Variants in CACNB2 observed in about 807,000 individuals in gnomAD.
The protein encoded by CACNB2 is voltage-dependent L-type calcium channel subunit beta-2.
In CACNB2, 42 loss-of-function variants were observed where a neutral mutation model predicts 73.3. The observed-to-expected ratio is 0.57, with a 90% CI of 0.45 to 0.74. CACNB2 has a LOEUF of 0.74. Among genes scored for constraint, CACNB2 ranks in the 30% least tolerant of loss-of-function variants. The probability of loss-of-function intolerance (pLI) is 0.00; values close to 1 mark genes in which losing one functional copy is unlikely to be tolerated. For synonymous variants in CACNB2, 348 were observed against 310.3 expected (o/e 1.12, Z -1.28); for missense variants, 940 against 853.0 (o/e 1.10, Z -1.27).
intron 3 of CACNB2, among the ~76,000 whole-genome samples, chr10:18,460,182 T>G (rs917647871): frequency 1.3e-5 from 2 of 152,034 alleles, no homozygotes; most frequent in African/African-American, 4.8e-5. Context: ...CTGGGAGAGA[T>G]TAGGAGTGTT....
chr10:18,426,156 G>T (rs1418990568), intron 3 of CACNB2, among the ~76,000 whole-genome samples: 1 of 152,142 alleles, frequency 6.6e-6, no homozygotes, highest in Admixed American at 6.5e-5. Flanking sequence ...AACATACCCT[G>T]CTGACATTTT....
intron 2 of CACNB2, among the ~76,000 whole-genome samples, chr10:18,289,196 C>T (rs528260064): frequency 6.6e-6 from 1 of 151,742 alleles, no homozygotes; most frequent in African/African-American, 2.4e-5. Context: ...CTGGTTAATA[C>T]TGCCTCTACC....
In CACNB2 at chr10:18,357,092, G is replaced by A. The variant is rs924074680; in HGVS notation, c.214-44832G>A. 3.1e-4 allele frequency among the ~76,000 whole-genome samples: 47 copies of A among 149,944 alleles called. 1 individual carries two copies. In the East Asian group the frequency reaches 9.0e-3, roughly 29 times the overall value. On this transcript the variant is annotated intron_variant, in intron 2 of 13. Coordinates refer to ENST00000324631, the MANE Select transcript of CACNB2 (RefSeq NM_201596.3). ...CCCGTGTAGCTGGGACTACAGGCGC[G>A]CACCACCATGCCCGGCTAATTTTTG...
At chr10:18,220,226 T>TAGAGAGAGAGAGAG (rs1275395034) in intron 2 of CACNB2, among the ~76,000 whole-genome samples, 2 of 45,662 alleles carry the variant, frequency 4.4e-5, no homozygotes, top group Non-Finnish European at 6.7e-5. Context: ...TATATATATA[T>TAGAGAGAGAGAGAG]ATATATAGAG....
At chr10:18,405,028 T>C (rs1182695316) in intron 3 of CACNB2, among the ~76,000 whole-genome samples, 1 of 152,230 alleles carries the variant, frequency 6.6e-6, no homozygotes, top group Admixed American at 6.5e-5. Flanking sequence ...CCTGGTCATT[T>C]CAGTTTGTGC....
At chr10:18,327,424 GTTTGTTTTTA>G (rs1188744168) in intron 2 of CACNB2, among the ~76,000 whole-genome samples, 1 of 151,990 alleles carries the variant, frequency 6.6e-6, no homozygotes, top group Non-Finnish European at 1.5e-5. Context: ...TTGTTTGTTT[GTTTGTTTTTA>G]TTTGTTTTGA....
At chr10:18,220,226 T>G (rs867797361) in intron 2 of CACNB2, among the ~76,000 whole-genome samples, 1,525 of 45,404 alleles carry the variant, frequency 0.034, 55 homozygotes, top group African/African-American at 0.043. Context: ...TATATATATA[T>G]ATATATAGAG....
chr10:18,208,137 A>G (rs945275209), intron 2 of CACNB2, among the ~76,000 whole-genome samples: 2 of 152,190 alleles, frequency 1.3e-5, no homozygotes, highest in Non-Finnish European at 2.9e-5. Flanking sequence ...GAGCCCATGG[A>G]CTGATAAGCC....
At chr10:18,483,156 C>G (rs7067620) in intron 3 of CACNB2, among the ~76,000 whole-genome samples, 7,057 of 152,088 alleles carry the variant, frequency 0.046, 267 homozygotes, top group African/African-American at 0.11. Flanking sequence ...ACCCACAACT[C>G]TCTGCACTAA....
intron 3 of CACNB2, among the ~76,000 whole-genome samples, chr10:18,443,850 G>T (rs1045187908): frequency 3.9e-5 from 6 of 152,000 alleles, no homozygotes; most frequent in African/African-American, 1.5e-4. Flanking sequence ...AAGTAGCTGG[G>T]GTTACAGGTG....
intron 3 of CACNB2, among the ~76,000 whole-genome samples, chr10:18,417,360 C>CTTTTTTTTTTTTTTTT (rs34847923): frequency 1.1e-5 from 1 of 87,016 alleles, no homozygotes; most frequent in African/African-American, 5.2e-5. Context: ...GCTAAAAATT[C>CTTTTTTTTTTTTTTTT]TTTTTTTTTT....
intron 3 of CACNB2, among the ~76,000 whole-genome samples, chr10:18,453,221 T>A (rs1334504650): frequency 1.3e-5 from 2 of 152,210 alleles, no homozygotes; most frequent in African/African-American, 4.8e-5. Flanking sequence ...AGGGATTTTC[T>A]TAACACTTAA....
intron 2 of CACNB2, among the ~76,000 whole-genome samples, chr10:18,310,417 C>T (rs925453236): frequency 6.6e-6 from 1 of 150,590 alleles, no homozygotes; most frequent in African/African-American, 2.4e-5. Context: ...ACCAGCCTGA[C>T]CAACATGGAG....
intron 3 of CACNB2, among the ~76,000 whole-genome samples, chr10:18,427,822 T>C (rs2045682244): frequency 6.6e-6 from 1 of 152,148 alleles, no homozygotes; most frequent in African/African-American, 2.4e-5. Context: ...CTTTTCCTTC[T>C]CTCAATTTTT....
intron 3 of CACNB2, among the ~76,000 whole-genome samples, chr10:18,472,386 G>A (rs143967773): frequency 0.12 from 18,475 of 151,792 alleles, 1,262 homozygotes; most frequent in Admixed American, 0.18. Flanking sequence ...ACAGGTGCAC[G>A]CCACCATACA....
chr10:18,175,871 T>G (rs1178782556), intron 2 of CACNB2, among the ~76,000 whole-genome samples: 1 of 152,224 alleles, frequency 6.6e-6, no homozygotes, highest in East Asian at 1.9e-4. Flanking sequence ...GTGCTGGGAT[T>G]ACAGGCATGA....
rs559529399 is a variant in CACNB2, at chr10:18,157,957, A to G, written c.213+6982A>G. ...TCGGCATAATTCCCTTCTCTCATGA[A>G]AAGTTCCTCAGATTCCTAGTTTGTG... On this transcript the variant is annotated intron_variant, in intron 2 of 13. Coordinates refer to ENST00000324631, the MANE Select transcript of CACNB2 (RefSeq NM_201596.3). 3.3e-5 allele frequency among the ~76,000 whole-genome samples: 5 copies of G among 152,244 alleles called. No individual in the cohort carries two copies. In the South Asian group the frequency reaches 1.0e-3, roughly 32 times the overall value.
intron 2 of CACNB2, among the ~76,000 whole-genome samples, chr10:18,334,550 T>A (rs79606845): frequency 0.09 from 13,715 of 152,220 alleles, 799 homozygotes; most frequent in African/African-American, 0.15. Context: ...GGCACCTTCA[T>A]TTCTGGCCAG....
intron 2 of CACNB2, chr10:18,401,073 A>G: frequency 6.2e-7 from 1 of 1,614,164 alleles, no homozygotes; most frequent in Non-Finnish European, 8.5e-7. Context: ...GAGCCAAGGG[A>G]GGAAGGCTGA....
Sources: allele counts gnomAD v4.1 joint callset (sites outside exome capture counted in the v4.1 genomes callset), GRCh38; gene constraint gnomAD v4.1.1; transcripts MANE v1.5; gene names NCBI Gene and HGNC (gene_info 2026-07-23, HGNC 2026-07-21).